Variants in FAM81A observed in about 807,000 individuals in gnomAD.
FAM81A encodes family with sequence similarity 81 member A.
FAM81A carries 19 observed loss-of-function variants against 46.7 expected under a neutral mutation model. The ratio of observed to expected loss-of-function variants is 0.41; its 90% CI spans 0.28 to 0.60. The LOEUF is 0.60. FAM81A is among the 20% of genes least tolerant of loss of function. The probability of loss-of-function intolerance (pLI) is 0.34; values close to 1 mark genes in which losing one functional copy is unlikely to be tolerated. For missense variants in FAM81A, 377 were observed against 453.5 expected, an observed-to-expected ratio of 0.83 and a Z score of 1.53; for synonymous variants, 183 against 152.9, an observed-to-expected ratio of 1.20 and a Z score of -1.45.
chr15:59,442,014 T>C (rs375683314), intron 1 of FAM81A, among the ~76,000 whole-genome samples: 2 of 152,350 alleles, frequency 1.3e-5, no homozygotes, highest in South Asian at 2.1e-4. Flanking sequence ...ACTCCCGTTA[T>C]GTAGGTGCAG....
chr15:59,419,111 G>T (rs1416489920), intron 2 of FAM81A, among the ~76,000 whole-genome samples: 1 of 152,158 alleles, frequency 6.6e-6, no homozygotes, highest in Non-Finnish European at 1.5e-5. Flanking sequence ...TCATCAGTTC[G>T]ATTATCTGTA....
At chr15:59,473,065 G>C (rs1185280355) in intron 3 of FAM81A, among the ~76,000 whole-genome samples, 2 of 152,206 alleles carry the variant, frequency 1.3e-5, no homozygotes, top group East Asian at 1.9e-4. Context: ...TGATAGCTCT[G>C]CTGCACCTAA....
chr15:59,400,230 C>T (rs1342704008), intron 1 of FAM81A, among the ~76,000 whole-genome samples: 1 of 151,758 alleles, frequency 6.6e-6, no homozygotes, highest in Non-Finnish European at 1.5e-5. Flanking sequence ...TGCGTCTGCA[C>T]ACGTCCCAAT....
At position 59,453,786 on chromosome 15, in the gene FAM81A, G is replaced by T. The variant is rs192230284; in HGVS notation, c.-77-4764G>T. On this transcript the variant is annotated intron_variant, in intron 1 of 8. Coordinates refer to ENST00000288228, the MANE Select transcript of FAM81A (RefSeq NM_152450.3). Reference sequence around the variant, plus strand: ...GGCAGGGAGAAGGTAAGGGAGAAGAGCTGGAAGAGGGTAGGGAGGGAGGCA... The same window carrying T: ...GGCAGGGAGAAGGTAAGGGAGAAGATCTGGAAGAGGGTAGGGAGGGAGGCA... 3.9e-5 allele frequency among the ~76,000 whole-genome samples: 6 copies of T among 152,238 alleles called. No individual in the cohort carries two copies. The South Asian group carries it at 1.2e-3, about 32-fold the overall frequency.
chr15:59,458,067 C>T (rs538073922), intron 1 of FAM81A, among the ~76,000 whole-genome samples: 40 of 152,272 alleles, frequency 2.6e-4, no homozygotes, highest in African/African-American at 9.4e-4. Context: ...TCACATTGAT[C>T]ATGTGCTGTT....
intron 1 of FAM81A, among the ~76,000 whole-genome samples, chr15:59,449,746 C>T (rs1315615097): frequency 3.0e-5 from 4 of 133,240 alleles, no homozygotes; most frequent in African/African-American, 8.5e-5. Flanking sequence ...CGCGCCACTG[C>T]ACTCCAGCCT....
At position 59,521,665 on chromosome 15, in the gene FAM81A, A is replaced by G. The variant is rs1204832525; in HGVS notation, c.*287A>G. On this transcript the variant is annotated 3_prime_UTR_variant, in exon 9 of 9. Transcript: ENST00000288228. ...TTATCTTCTTCATTTTACGAATGGA[A>G]AGACGACAATTTTTCTTCAATGCTT... The G allele has an allele frequency of 4.0e-6, 1 of 247,840 alleles. No homozygotes were observed. Among genetic ancestry groups the G allele is most frequent in the East Asian group, 8.3e-5 (1 of 12,108 alleles). The allele number at this position is 247,840 out of a possible 1,614,324, so 15.4% of individuals were successfully genotyped here.
intron 4 of FAM81A, among the ~76,000 whole-genome samples, chr15:59,494,884 A>G (rs2082018040): frequency 6.6e-6 from 1 of 152,126 alleles, no homozygotes; most frequent in South Asian, 2.1e-4. Flanking sequence ...TTTCCCCTGT[A>G]AATCCAGCTC....
Position 59,458,603 on chromosome 15 carries a change from T to G in FAM81A, c.-24T>G. ...AACGGAGCACTGTATTTCCTTCTCG[T>G]GTCACCAAGGAAAGGTATAATATAT... On this transcript the variant is annotated 5_prime_UTR_variant, in exon 2 of 9. Coordinates refer to ENST00000288228, the MANE Select transcript of FAM81A (RefSeq NM_152450.3). 1.2e-6 allele frequency: 2 copies of G among 1,614,000 alleles called. No individual in the cohort carries two copies. Among genetic ancestry groups the G allele is most frequent in the Non-Finnish European group, 1.7e-6 (2 of 1,179,852 alleles).
intron 8 of FAM81A, among the ~76,000 whole-genome samples, chr15:59,520,172 G>A (rs1353530279): frequency 2.0e-5 from 3 of 151,644 alleles, no homozygotes; most frequent in East Asian, 1.9e-4. Flanking sequence ...AATTCTTTCA[G>A]TGTGGCCCAA....
Position 59,459,952 on chromosome 15 carries a change from C to G in FAM81A, c.40C>G (p.Arg14Gly). The G allele has an allele frequency of 6.2e-7, 1 of 1,605,456 alleles. No individual in the cohort carries two copies. The highest frequency in any genetic ancestry group is 8.5e-7 in the Non-Finnish European group (1 of 1,175,020). ...MHLRRVRTMP[R>G]HSQSLTMAPY... ...CTGCAGGCGAGTGAGAACCATGCCCCGACACAGCCAGTCCCTGACCATGGC... is the reference window on the plus strand; with the variant it reads ...CTGCAGGCGAGTGAGAACCATGCCCGGACACAGCCAGTCCCTGACCATGGC... The change falls in exon 3 of 9, where the codon CGA becomes GGA. Residue 14 changes from arginine (R) to glycine (G), a missense_variant. By Grantham distance (125) the Arg-to-Gly change is moderately radical. Coordinates refer to ENST00000288228, the MANE Select transcript of FAM81A (RefSeq NM_152450.3).
chr15:59,407,290 CCT>C (rs1491465217), intron 2 of FAM81A: 8 of 105,350 alleles, frequency 7.6e-5, no homozygotes, highest in African/African-American at 2.1e-4. Flanking sequence ...TCTTTTCTTT[CCT>C]TTTTTTTTTT....
Position 59,460,349 on chromosome 15 carries a change from G to T in FAM81A, c.294+143G>T, listed in dbSNP as rs763306185. The T allele has an allele frequency of 1.8e-6, 2 of 1,096,616 alleles. No homozygotes were observed. The highest frequency in any genetic ancestry group is 4.7e-5 in the East Asian group (2 of 42,570). The allele number at this position is 1,096,616 out of a possible 1,614,324, so 67.9% of individuals were successfully genotyped here. A position where few individuals can be genotyped will look rare whatever the true frequency, so the allele number is the denominator to read the frequency against. ...TCTGTCTTGTCTATTCTTAATGATC[G>T]CCAAGGAGACAGCTTGCAGAAATAT... On this transcript the variant is annotated intron_variant, in intron 3 of 8. Transcript: ENST00000288228. This position sits in a 1 kb window ranked among gnomAD's most constrained non-coding sequence, Gnocchi z 4.4.
chr15:59,443,806 G>C (rs1346412365), intron 1 of FAM81A, among the ~76,000 whole-genome samples: 1 of 152,028 alleles, frequency 6.6e-6, no homozygotes, highest in Non-Finnish European at 1.5e-5. Context: ...TCCTGTTTGG[G>C]GCAGTTATGG....
At chr15:59,423,646 C>T (rs1326360010) in intron 2 of FAM81A, among the ~76,000 whole-genome samples, 1 of 152,110 alleles carries the variant, frequency 6.6e-6, no homozygotes, top group African/African-American at 2.4e-5. Flanking sequence ...AATGGATACA[C>T]ATAAACTCAA....
intron 2 of FAM81A, among the ~76,000 whole-genome samples, chr15:59,418,898 T>C (rs1246725335): frequency 6.6e-6 from 1 of 152,212 alleles, no homozygotes; most frequent in African/African-American, 2.4e-5. Flanking sequence ...TCCATTGATA[T>C]ACAATTAATG....
Position 59,518,839 on chromosome 15 carries a change from C to T in FAM81A, c.982+1999C>T, listed in dbSNP as rs144137533. Among the ~76,000 whole-genome samples the T allele has an allele frequency of 1.7e-3, 259 of 150,704 alleles. 1 individual carries two copies. Among genetic ancestry groups the T allele is most frequent in the African/African-American group, 5.9e-3 (240 of 40,936 alleles). ...AATTGTTGTGTATATTTAAGGTATA[C>T]AACAAGATGTTTATATTTTGATATA... is the stretch of plus-strand genomic sequence containing the variant. On this transcript the variant is annotated intron_variant, in intron 8 of 8. Transcript: ENST00000288228.
chr15:59,457,743 G>A (rs972369038), intron 1 of FAM81A, among the ~76,000 whole-genome samples: 13 of 152,024 alleles, frequency 8.6e-5, no homozygotes, highest in African/African-American at 2.2e-4. Context: ...GAGAGATGAC[G>A]CCAAAACAGT....
intron 3 of FAM81A, among the ~76,000 whole-genome samples, chr15:59,480,139 A>G (rs1449956964): frequency 6.6e-6 from 1 of 152,210 alleles, no homozygotes; most frequent in African/African-American, 2.4e-5. Flanking sequence ...CTTCTATCAA[A>G]TGGTGGAAAT....
Sources: allele counts gnomAD v4.1 joint callset (sites outside exome capture counted in the v4.1 genomes callset), GRCh38; gene constraint gnomAD v4.1.1; non-coding constraint Gnocchi (gnomAD v3.1); transcripts MANE v1.5; gene names NCBI Gene and HGNC (gene_info 2026-07-23, HGNC 2026-07-21).